Variants in DGCR2 observed in about 807,000 individuals in gnomAD.
DGCR2 encodes the protein DiGeorge syndrome critical region gene 2, also known as integral membrane protein DGCR2/IDD.
A neutral mutation model predicts 51.6 loss-of-function variants in DGCR2; 24 were observed. The observed-to-expected ratio is 0.47, with a 90% CI of 0.34 to 0.65. The LOEUF is 0.65. Among genes scored for constraint, DGCR2 ranks in the 30% least tolerant of loss-of-function variants. The pLI is 0.01. For synonymous variants in DGCR2, 340 were observed against 315.4 expected (o/e 1.08, Z -0.82); for missense variants, 765 against 772.1 (o/e 0.99, Z 0.11).
At chr22:19,041,981 G>C (rs759162014) in intron 7 of DGCR2, 22 bp from the exon 8 acceptor site, 22 of 1,607,666 alleles carry the variant, frequency 1.4e-5, no homozygotes, top group Admixed American at 6.7e-5. Flanking sequence ...GGGAGGAAAT[G>C]GCCGCTCTGA....
intron 2 of DGCR2, among the ~76,000 whole-genome samples, chr22:19,071,036 C>T (rs1050957204): frequency 6.6e-6 from 1 of 152,218 alleles, no homozygotes; most frequent in African/African-American, 2.4e-5. Context: ...CCTCTTCCCG[C>T]GGAGGGCCAG....
At chr22:19,062,785 T>TCTCTCTCACTCTCTCTCTCA (rs2082690750) in intron 5 of DGCR2, among the ~76,000 whole-genome samples, 1 of 141,710 alleles carries the variant, frequency 7.1e-6, no homozygotes, top group South Asian at 2.2e-4. Flanking sequence ...GCTCACTCTC[T>TCTCTCTCACTCTCTCTCTCA]CTCTCTCTCT....
chr22:19,060,821 A>G, intron 5 of DGCR2: 2 of 500,804 alleles, frequency 4.0e-6, no homozygotes, highest in Admixed American at 2.1e-5. Flanking sequence ...GGCCTGGGGG[A>G]GCGCCTGGAG....
At chr22:19,039,222 G>T in intron 9 of DGCR2, 101 bp from the exon 10 acceptor site, 2 of 1,473,402 alleles carry the variant, frequency 1.4e-6, no homozygotes, top group Non-Finnish European at 1.8e-6. Flanking sequence ...CTGCCTGAAG[G>T]CCCCCCTGAA....
chr22:19,092,128 C>G (rs532158424), intron 1 of DGCR2, among the ~76,000 whole-genome samples: 13 of 150,788 alleles, frequency 8.6e-5, no homozygotes, highest in Admixed American at 2.0e-4. Flanking sequence ...AGCAGATCAT[C>G]TGAGGTCAGG....
intron 5 of DGCR2, chr22:19,060,791 G>A (rs751215881): frequency 1.9e-5 from 9 of 463,852 alleles, no homozygotes; most frequent in African/African-American, 8.1e-5. Context: ...GCCCCCAGGC[G>A]GGGCTCACAG....
At chr22:19,059,692 A>AT (rs1491163897) in intron 5 of DGCR2, among the ~76,000 whole-genome samples, 1 of 151,900 alleles carries the variant, frequency 6.6e-6, no homozygotes, top group Non-Finnish European at 1.5e-5. Context: ...ATGTCCACAC[A>AT]TGAGGTGTGC....
intron 2 of DGCR2, among the ~76,000 whole-genome samples, chr22:19,083,367 G>C (rs1340706467): frequency 6.6e-6 from 1 of 152,174 alleles, no homozygotes; most frequent in East Asian, 1.9e-4. Flanking sequence ...AGTAAATCTT[G>C]ATACGGGCAA....
intron 2 of DGCR2, among the ~76,000 whole-genome samples, chr22:19,070,668 C>T (rs1162926527): frequency 6.6e-6 from 1 of 152,238 alleles, no homozygotes; most frequent in African/African-American, 2.4e-5. Flanking sequence ...ATTTCAGAAA[C>T]ATAACCAGAA....
At chr22:19,105,659 G>A (rs2146041083) in intron 1 of DGCR2, among the ~76,000 whole-genome samples, 1 of 152,130 alleles carries the variant, frequency 6.6e-6, no homozygotes, top group Non-Finnish European at 1.5e-5. Flanking sequence ...CTCCAGAAAG[G>A]GACGCGGCTG....
Position 19,098,468 on chromosome 22 carries a change from G to A in DGCR2, c.80-8978C>T, listed in dbSNP as rs533869318. ...GCAGCTGCAGATAATATGGGAATGC[G>A]TGGGCATAGGCATGTCCAATAAAGC... is the stretch of plus-strand genomic sequence containing the variant. On this transcript the variant is annotated intron_variant, in intron 1 of 9. Transcript: ENST00000263196. Among the ~76,000 whole-genome samples, 11 of 152,298 alleles carry A rather than the reference G, an allele frequency of 7.2e-5. No homozygotes were observed. In the South Asian group the frequency reaches 1.0e-3, roughly 14 times the overall value.
chr22:19,103,833 T>A (rs2083233271), intron 1 of DGCR2, among the ~76,000 whole-genome samples: 1 of 146,992 alleles, frequency 6.8e-6, no homozygotes, highest in Non-Finnish European at 1.5e-5. Flanking sequence ...GTCACTTGAG[T>A]CCAAGAATTC....
chr22:19,113,284 C>T (rs186134340), intron 1 of DGCR2, among the ~76,000 whole-genome samples: 106 of 152,126 alleles, frequency 7.0e-4, no homozygotes, highest in Middle Eastern at 6.8e-3. Flanking sequence ...GCAGAAGAAT[C>T]GCTTGAACCC....
chr22:19,114,619 A>C (rs2083354365), intron 1 of DGCR2, among the ~76,000 whole-genome samples: 1 of 152,170 alleles, frequency 6.6e-6, no homozygotes, highest in Non-Finnish European at 1.5e-5. Context: ...GCATCAGCAG[A>C]CCTAGTTTCA....
At chr22:19,098,243 C>T (rs887312063) in intron 1 of DGCR2, among the ~76,000 whole-genome samples, 2 of 152,184 alleles carry the variant, frequency 1.3e-5, no homozygotes, top group Non-Finnish European at 2.9e-5. Flanking sequence ...AACCCCTCCC[C>T]AAACTCCCCT....
chr22:19,074,626 C>T, intron 2 of DGCR2, among the ~76,000 whole-genome samples: 1 of 151,970 alleles, frequency 6.6e-6, no homozygotes, highest in East Asian at 1.9e-4. Context: ...AATGAAACAG[C>T]TAAAACAATG....
chr22:19,096,894 C>CAAA (rs35065228), intron 1 of DGCR2, among the ~76,000 whole-genome samples: 2 of 138,198 alleles, frequency 1.4e-5, no homozygotes, highest in African/African-American at 5.2e-5. Flanking sequence ...AAAAAAAAAA[C>CAAA]AAAAAAAAAA....
At chr22:19,089,335 G>A (rs1341100900) in intron 2 of DGCR2, 33 bp downstream of exon 2, 18 of 1,546,310 alleles carry the variant, frequency 1.2e-5, no homozygotes, top group Non-Finnish European at 1.6e-5. Context: ...AAGAGACAAG[G>A]TGGTGTGTAC....
At chr22:19,096,562 A>AC (rs199658937) in intron 1 of DGCR2, among the ~76,000 whole-genome samples, 1,995 of 152,160 alleles carry the variant, frequency 0.013, 37 homozygotes, top group South Asian at 0.058. Context: ...TATCATATAT[A>AC]CCCCACACAT....
Sources: gnomAD v4.1 joint callset for allele counts (sites outside exome capture counted in the v4.1 genomes callset) on GRCh38, gnomAD v4.1.1 for gene constraint, MANE v1.5 for transcripts, NCBI Gene and HGNC (gene_info 2026-07-23, HGNC 2026-07-21) for gene names.